The following KCNAB1 variants were observed in gnomAD, a reference collection of about 807,000 sequenced individuals.
The protein encoded by KCNAB1 is voltage-gated potassium channel subunit beta-1.
A neutral mutation model predicts 64.6 loss-of-function variants in KCNAB1; 35 were observed. The observed-to-expected ratio is 0.54, with a 90% CI of 0.41 to 0.72. The LOEUF (loss-of-function observed/expected upper bound fraction) is 0.72. KCNAB1 is among the 30% of genes least tolerant of loss of function. KCNAB1 has a pLI of 0.00. For missense variants in KCNAB1, 401 were observed against 512.9 expected (o/e 0.78, Z 2.11); for synonymous variants, 177 against 183.8 (o/e 0.96, Z 0.30).
chr3:156,167,578 T>C (rs566448147), intron 1 of KCNAB1, among the ~76,000 whole-genome samples: 1 of 152,308 alleles, frequency 6.6e-6, no homozygotes, highest in South Asian at 2.1e-4. Context: ...AAAAATATCA[T>C]TTTTAAAGGT....
chr3:156,247,772 C>T (rs998704335), intron 1 of KCNAB1, among the ~76,000 whole-genome samples: 1 of 152,080 alleles, frequency 6.6e-6, no homozygotes, highest in Non-Finnish European at 1.5e-5. Context: ...GCCATGTTGC[C>T]CAGGCTGGCC....
At chr3:156,378,169 A>G (rs2108141099) in intron 1 of KCNAB1, among the ~76,000 whole-genome samples, 1 of 152,302 alleles carries the variant, frequency 6.6e-6, no homozygotes, top group African/African-American at 2.4e-5. Context: ...AGTAAAGACG[A>G]GAAACTCAGC....
rs576091176 is a variant in KCNAB1 at position 156,170,884 on chromosome 3, T to C, written c.275+49998T>C. Among the ~76,000 whole-genome samples the C allele has an allele frequency of 2.6e-5, 4 of 152,330 alleles. No individual in the cohort carries two copies. In the East Asian group the frequency reaches 7.7e-4, roughly 29 times the overall value. ...GATTTGGAAATGTTTTCAATTCCCT[T>C]TTGCTGCACATAGCAGAACAATTTC... On this transcript the variant is annotated intron_variant, in intron 1 of 13. Coordinates refer to ENST00000490337, the MANE Select transcript of KCNAB1 (RefSeq NM_172160.3).
intron 1 of KCNAB1, 60 bp from the exon 2 acceptor site, chr3:156,421,556 A>G: frequency 6.6e-7 from 1 of 1,523,514 alleles, no homozygotes; most frequent in South Asian, 1.1e-5. Context: ...ATATCCACTT[A>G]TGCATGTACA....
At chr3:156,448,551 GGGC>G (rs1268815348) in intron 2 of KCNAB1, among the ~76,000 whole-genome samples, 2 of 152,226 alleles carry the variant, frequency 1.3e-5, no homozygotes, top group East Asian at 3.9e-4. Flanking sequence ...CACCTACACT[GGGC>G]CACTTACCCA....
Position 156,253,062 on chromosome 3 carries a change from C to T in KCNAB1, c.275+132176C>T, listed in dbSNP as rs183755274. Among the ~76,000 whole-genome samples the T allele has an allele frequency of 2.7e-3, 409 of 152,250 alleles. 1 individual carries two copies. Among genetic ancestry groups the T allele is most frequent in the African/African-American group, 9.4e-3 (391 of 41,540 alleles). ...ACCTATTATTGAATGGTTGAGTATTCTCATGGAGCAGTAATATTTGGCCCA... is the reference window on the plus strand; with the variant it reads ...ACCTATTATTGAATGGTTGAGTATTTTCATGGAGCAGTAATATTTGGCCCA... On this transcript the variant is annotated intron_variant, in intron 1 of 13. Transcript: ENST00000490337.
At position 156,143,140 on chromosome 3, in the gene KCNAB1, C is replaced by A; in HGVS notation, c.275+22254C>A. 4 of 1,546,260 alleles carry A rather than the reference C, an allele frequency of 2.6e-6. No homozygotes were observed. The South Asian group carries it at 5.1e-5, about 20-fold the overall frequency. ...AGATACAGTGAGTCTTAAAGTTAAG[C>A]ACCGTGCAATTAGCTTTGCTTCCTT... On this transcript the variant is annotated intron_variant, in intron 1 of 13. Transcript: ENST00000490337.
In KCNAB1 at chr3:156,538,083, C is replaced by T. The variant is rs1403102114; in HGVS notation, c.*1336C>T. 6.6e-6 allele frequency: 1 copy of T among 152,024 alleles called. No individual in the cohort carries two copies. Among genetic ancestry groups the T allele is most frequent in the African/African-American group, 2.4e-5 (1 of 41,390 alleles). 9.4% of individuals were successfully genotyped at this position (152,024 alleles called of 1,614,324 possible). On this transcript the variant is annotated 3_prime_UTR_variant, in exon 14 of 14. Transcript: ENST00000490337. ...TGGCTACTTACCCTCATTAATATCC[C>T]ACTTGAGAAAAATTGTGAGACTATA...
At chr3:156,514,701 CAG>C (rs1312552187) in intron 9 of KCNAB1, among the ~76,000 whole-genome samples, 2 of 152,180 alleles carry the variant, frequency 1.3e-5, no homozygotes, top group African/African-American at 4.8e-5. Flanking sequence ...GATATATTAA[CAG>C]AGTATTCTAG....
At position 156,388,397 on chromosome 3, in the gene KCNAB1, G is replaced by C. The variant is rs115253721; in HGVS notation, c.276-33219G>C. Among the ~76,000 whole-genome samples the C allele has an allele frequency of 7.1e-3, 1,075 of 152,316 alleles. 9 individuals carry two copies. Among genetic ancestry groups the C allele is most frequent in the African/African-American group, 0.025 (1,027 of 41,566 alleles). ...AGCAAAGAGCCTCACAGAGCAAAGA[G>C]TCTCGCAGAGCAAAAAGCAGTATAG... is the stretch of plus-strand genomic sequence containing the variant. On this transcript the variant is annotated intron_variant, in intron 1 of 13. Coordinates refer to ENST00000490337, the MANE Select transcript of KCNAB1 (RefSeq NM_172160.3).
chr3:156,306,521 A>T (rs748607036), intron 1 of KCNAB1, among the ~76,000 whole-genome samples: 24 of 152,228 alleles, frequency 1.6e-4, no homozygotes, highest in Non-Finnish European at 3.1e-4. Flanking sequence ...CAAGTAGCTT[A>T]TGTAGTATTC....
intron 1 of KCNAB1, among the ~76,000 whole-genome samples, chr3:156,144,223 T>C (rs1240814503): frequency 1.3e-5 from 2 of 152,134 alleles, no homozygotes; most frequent in Non-Finnish European, 2.9e-5. Flanking sequence ...GAAAAAACAA[T>C]TTAGCAATTG....
chr3:156,497,080 A>ACTGTT (rs1393056584), intron 8 of KCNAB1, among the ~76,000 whole-genome samples: 2 of 152,190 alleles, frequency 1.3e-5, no homozygotes, highest in Non-Finnish European at 2.9e-5. Context: ...TGGGTAATTC[A>ACTGTT]CTGTTGAAAA....
chr3:156,239,789 A>C (rs1455062756), intron 1 of KCNAB1, among the ~76,000 whole-genome samples: 1 of 152,210 alleles, frequency 6.6e-6, no homozygotes, highest in Non-Finnish European at 1.5e-5. Context: ...TGTAAGTTTC[A>C]TAAAAGAAAA....
chr3:156,208,901 A>T (rs573864852), intron 1 of KCNAB1, among the ~76,000 whole-genome samples: 1 of 152,214 alleles, frequency 6.6e-6, no homozygotes, highest in Admixed American at 6.5e-5. Flanking sequence ...CAGTTATGGG[A>T]TAGTTATTTC....
chr3:156,494,465 T>G (rs1245557214), intron 8 of KCNAB1, among the ~76,000 whole-genome samples: 1 of 152,160 alleles, frequency 6.6e-6, no homozygotes, highest in Non-Finnish European at 1.5e-5. Flanking sequence ...TGGTGCCTCC[T>G]TCTCTACTCA....
chr3:156,248,043 T>TTCATA (rs765465438), intron 1 of KCNAB1, among the ~76,000 whole-genome samples: 7 of 152,204 alleles, frequency 4.6e-5, no homozygotes, highest in Non-Finnish European at 1.0e-4. Context: ...ATTTCTCCAG[T>TTCATA]TCTTTTATCT....
At chr3:156,348,573 T>C (rs1576756952) in intron 1 of KCNAB1, among the ~76,000 whole-genome samples, 1 of 152,264 alleles carries the variant, frequency 6.6e-6, no homozygotes, top group East Asian at 1.9e-4. Flanking sequence ...TGTGTTCCAT[T>C]TTAGACATGT....
chr3:156,318,679 C>G (rs1560193145), intron 1 of KCNAB1, among the ~76,000 whole-genome samples: 1 of 152,260 alleles, frequency 6.6e-6, no homozygotes, highest in South Asian at 2.1e-4. Flanking sequence ...AGCAAGCAAG[C>G]TGGATTTTTA....
Sources: allele counts gnomAD v4.1 joint callset (sites outside exome capture counted in the v4.1 genomes callset), GRCh38; gene constraint gnomAD v4.1.1; transcripts MANE v1.5; gene names NCBI Gene and HGNC (gene_info 2026-07-23, HGNC 2026-07-21).